Variants in L3MBTL3 observed in about 807,000 individuals in gnomAD.
L3MBTL3 encodes the protein L3MBTL histone methyl-lysine binding protein 3.
L3MBTL3 carries 27 observed loss-of-function variants against 102.3 expected under a neutral mutation model. The ratio of observed to expected loss-of-function variants is 0.26; its 90% CI spans 0.19 to 0.36. L3MBTL3 has a LOEUF of 0.36. L3MBTL3 is among the 10% of genes least tolerant of loss of function. The probability of loss-of-function intolerance (pLI) is 1.00; values close to 1 mark genes in which losing one functional copy is unlikely to be tolerated. For synonymous variants in L3MBTL3, 340 were observed against 320.9 expected, an observed-to-expected ratio of 1.06 and a Z score of -0.64; for missense variants, 798 against 955.3, an observed-to-expected ratio of 0.84 and a Z score of 2.17.
intron 2 of L3MBTL3, among the ~76,000 whole-genome samples, chr6:130,042,340 A>G (rs184469299): frequency 9.6e-4 from 146 of 152,320 alleles, no homozygotes; most frequent in African/African-American, 3.2e-3. Context: ...ACAGAAAACA[A>G]ACTACTTACA....
intron 2 of L3MBTL3, among the ~76,000 whole-genome samples, chr6:130,034,786 T>C (rs1437117736): frequency 6.6e-6 from 1 of 152,232 alleles, no homozygotes; most frequent in Non-Finnish European, 1.5e-5. Flanking sequence ...CTTTATGGCA[T>C]GTGTGATTCA....
chr6:130,026,653 G>A, intron 2 of L3MBTL3, among the ~76,000 whole-genome samples: 1 of 151,728 alleles, frequency 6.6e-6, no homozygotes, highest in East Asian at 1.9e-4. Flanking sequence ...AGAACACCTT[G>A]GTCTAGCCCA....
chr6:130,058,676 G>A (rs1054407577), intron 9 of L3MBTL3, among the ~76,000 whole-genome samples: 4 of 152,150 alleles, frequency 2.6e-5, no homozygotes, highest in East Asian at 1.9e-4. Context: ...TTCAGAGCAC[G>A]TGGTCTCTGT....
At chr6:130,088,518 G>C (rs1302996143) in intron 16 of L3MBTL3, among the ~76,000 whole-genome samples, 1 of 152,148 alleles carries the variant, frequency 6.6e-6, no homozygotes, top group Non-Finnish European at 1.5e-5. Flanking sequence ...CATCTTTTAA[G>C]ATTACATATT....
chr6:130,053,847 C>G (rs1781271101), intron 7 of L3MBTL3, among the ~76,000 whole-genome samples: 1 of 152,134 alleles, frequency 6.6e-6, no homozygotes, highest in African/African-American at 2.4e-5. Flanking sequence ...ACTTGGGAGT[C>G]ACTGTTCTAG....
chr6:130,107,104 T>G (rs562733068), intron 19 of L3MBTL3, among the ~76,000 whole-genome samples: 6 of 152,158 alleles, frequency 3.9e-5, no homozygotes, highest in Non-Finnish European at 5.9e-5. Context: ...AGGACCCAAT[T>G]TGTCCTAGTG....
At chr6:130,037,937 A>C in intron 2 of L3MBTL3, among the ~76,000 whole-genome samples, 18 of 149,402 alleles carry the variant, frequency 1.2e-4, no homozygotes, top group African/African-American at 2.5e-4. Flanking sequence ...CCTCCCTCCC[A>C]CCCCCTTCCT....
intron 10 of L3MBTL3, 83 bp from the exon 11 acceptor site, chr6:130,066,270 C>T (rs956630565): frequency 6.4e-6 from 2 of 312,928 alleles, no homozygotes; most frequent in African/African-American, 5.0e-5. Flanking sequence ...TGCCTGGTGT[C>T]CATGTTTATT....
At chr6:130,068,139 A>G (rs1300834204) in intron 11 of L3MBTL3, among the ~76,000 whole-genome samples, 191 bp from the exon 12 acceptor site, 1 of 152,208 alleles carries the variant, frequency 6.6e-6, no homozygotes, top group Non-Finnish European at 1.5e-5. Context: ...TCAGAATTGG[A>G]AAATAATAAT....
At chr6:130,058,813 A>G (rs1781698136) in intron 9 of L3MBTL3, among the ~76,000 whole-genome samples, 2 of 152,184 alleles carry the variant, frequency 1.3e-5, no homozygotes, top group African/African-American at 4.8e-5. Flanking sequence ...TGACCCGCAG[A>G]CTGGAGTTTG....
At chr6:130,122,979 C>T (rs10485400) in intron 20 of L3MBTL3, among the ~76,000 whole-genome samples, 66,259 of 151,986 alleles carry the variant, frequency 0.44, 16,557 homozygotes, top group East Asian at 0.75. Context: ...ATGGAATTAC[C>T]TGATCATTAA....
intron 15 of L3MBTL3, 50 bp downstream of exon 15, chr6:130,083,755 T>G: frequency 1.0e-6 from 1 of 954,966 alleles, no homozygotes; most frequent in Non-Finnish European, 1.6e-6. Context: ...ATTTATTTAT[T>G]GAAATTGAAG....
At chr6:130,035,288 C>G (rs543323058) in intron 2 of L3MBTL3, among the ~76,000 whole-genome samples, 2 of 152,162 alleles carry the variant, frequency 1.3e-5, no homozygotes, top group Non-Finnish European at 2.9e-5. Context: ...TAATCACCAC[C>G]TGATGTAAGT....
intron 17 of L3MBTL3, 94 bp downstream of exon 17, chr6:130,092,953 C>T (rs1002835322): frequency 8.9e-5 from 65 of 726,666 alleles, no homozygotes; most frequent in Non-Finnish European, 1.4e-4. Flanking sequence ...CTCCTCCTCT[C>T]TCTACTGATG....
chr6:130,064,265 C>T (rs982969182), intron 10 of L3MBTL3, among the ~76,000 whole-genome samples: 2 of 152,198 alleles, frequency 1.3e-5, no homozygotes, highest in East Asian at 3.9e-4. Flanking sequence ...GTGAGGAGAG[C>T]TGCTAGGGAG....
intron 15 of L3MBTL3, among the ~76,000 whole-genome samples, chr6:130,085,021 G>C (rs1783593495): frequency 6.6e-6 from 1 of 152,062 alleles, no homozygotes. Flanking sequence ...GTAGAGAAGA[G>C]GTTTTGCTCT....
chr6:130,064,281 A>G (rs1782098097), intron 10 of L3MBTL3, among the ~76,000 whole-genome samples: 2 of 152,184 alleles, frequency 1.3e-5, no homozygotes, highest in African/African-American at 4.8e-5. Context: ...GGGAGGAAGT[A>G]AAAGGATCAG....
intron 19 of L3MBTL3, among the ~76,000 whole-genome samples, chr6:130,105,856 CA>C (rs924099468): frequency 3.3e-5 from 5 of 152,078 alleles, no homozygotes; most frequent in Non-Finnish European, 7.4e-5. Context: ...TTGCTTGGTC[CA>C]AATACCTGGA....
At chr6:130,120,038 A>G (rs1786024733) in intron 19 of L3MBTL3, among the ~76,000 whole-genome samples, 1 of 152,210 alleles carries the variant, frequency 6.6e-6, no homozygotes, top group Non-Finnish European at 1.5e-5. Flanking sequence ...GTATATTTGT[A>G]ACGGTAACAG....
Sources: allele counts gnomAD v4.1 joint callset (sites outside exome capture counted in the v4.1 genomes callset), GRCh38; gene constraint gnomAD v4.1.1; transcripts MANE v1.5; gene names NCBI Gene and HGNC (gene_info 2026-07-23, HGNC 2026-07-21).